The following CIMAP1D variants were observed in gnomAD, a reference collection of about 807,000 sequenced individuals.
The protein encoded by CIMAP1D is CIMAP1 family member D.
the CIMAP1D span, among the ~76,000 whole-genome samples, chr19:473,091 C>T: frequency 7.4e-6 from 1 of 135,278 alleles, no homozygotes; most frequent in South Asian, 3.5e-4. Flanking sequence ...GAGGCCCAGG[C>T]AGAGATACAC....
chr19:486,787 G>A, the CIMAP1D span, among the ~76,000 whole-genome samples: 2 of 151,818 alleles, frequency 1.3e-5, no homozygotes, highest in Non-Finnish European at 2.9e-5. Flanking sequence ...GGTGGCAGGC[G>A]CCTGTAGTCC....
the CIMAP1D span, among the ~76,000 whole-genome samples, chr19:491,370 G>C: frequency 3.0e-4 from 45 of 152,320 alleles, no homozygotes; most frequent in African/African-American, 1.1e-3. Context: ...AACCCGGCGA[G>C]GGCGGTTCAT....
chr19:490,448 G>C, the CIMAP1D span: 1 of 141,862 alleles, frequency 7.0e-6, no homozygotes, highest in African/African-American at 3.0e-5. Flanking sequence ...CGATTCATAA[G>C]CAATACATGT....
At chr19:474,701 G>C in the CIMAP1D span, 1 of 1,566,454 alleles carries the variant, frequency 6.4e-7, no homozygotes, top group South Asian at 1.2e-5. Context: ...CCGGCCAAGG[G>C]GGGCTGTGGC....
At chr19:488,561 C>A in the CIMAP1D span, among the ~76,000 whole-genome samples, 1 of 152,258 alleles carries the variant, frequency 6.6e-6, no homozygotes, top group African/African-American at 2.4e-5. Context: ...CTAACGAGCG[C>A]CCTCGTCCCT....
At chr19:480,584 A>AC in the CIMAP1D span, among the ~76,000 whole-genome samples, 1 of 141,332 alleles carries the variant, frequency 7.1e-6, no homozygotes, top group African/African-American at 2.7e-5. Context: ...ATGATGGAGA[A>AC]GGAATGTGGG....
At chr19:473,700 G>A in the CIMAP1D span, among the ~76,000 whole-genome samples, 2 of 135,176 alleles carry the variant, frequency 1.5e-5, no homozygotes, top group African/African-American at 3.0e-5. Context: ...CACAGATGGG[G>A]AAACTGAGGC....
chr19:481,425 A>G, the CIMAP1D span, among the ~76,000 whole-genome samples: 61 of 43,270 alleles, frequency 1.4e-3, 2 homozygotes, highest in East Asian at 9.2e-3. Flanking sequence ...AGGATGATGG[A>G]GAAGGATGAT....
chr19:467,778 C>T, the CIMAP1D span: 1 of 1,514,924 alleles, frequency 6.6e-7, no homozygotes, highest in Non-Finnish European at 9.0e-7. Flanking sequence ...GAGAGGAGCC[C>T]AGAGTGCTGA....
At chr19:472,410 G>A in the CIMAP1D span, 11 of 1,540,060 alleles carry the variant, frequency 7.1e-6, no homozygotes, top group African/African-American at 6.9e-5. Flanking sequence ...TGGGCCTCCG[G>A]ACGAGCGAGT....
chr19:489,946 G>T, the CIMAP1D span: 1 of 397,990 alleles, frequency 2.5e-6, no homozygotes. Context: ...GCCCCTGCCC[G>T]GTGCTGAGAG....
chr19:476,837 A>G, the CIMAP1D span, among the ~76,000 whole-genome samples: 5 of 152,230 alleles, frequency 3.3e-5, no homozygotes, highest in Admixed American at 6.5e-5. Context: ...ATGACTATAA[A>G]AAATCAACAT....
the CIMAP1D span, among the ~76,000 whole-genome samples, chr19:481,310 G>GGA: frequency 6.5e-5 from 7 of 108,126 alleles, no homozygotes; most frequent in African/African-American, 1.0e-4. Flanking sequence ...AAGGATGATG[G>GGA]AGAACGATGA....
At chr19:466,648 GGGTGGGTGGGTA>G in the CIMAP1D span, among the ~76,000 whole-genome samples, 165 of 143,648 alleles carry the variant, frequency 1.1e-3, no homozygotes, top group Non-Finnish European at 2.0e-3. Context: ...ATAGATGGAG[GGGTGGGTGGGTA>G]GGTGGGTGGA....
the CIMAP1D span, among the ~76,000 whole-genome samples, chr19:479,985 C>T: frequency 4.9e-4 from 75 of 152,360 alleles, no homozygotes; most frequent in East Asian, 0.014. Context: ...CTTATAATGA[C>T]GGTCTCAGGC....
At chr19:484,162 A>G in the CIMAP1D span, among the ~76,000 whole-genome samples, 1 of 121,308 alleles carries the variant, frequency 8.2e-6, no homozygotes, top group Non-Finnish European at 1.7e-5. Flanking sequence ...TTTTTTTGAG[A>G]CAGAGTTTCA....
the CIMAP1D span, among the ~76,000 whole-genome samples, chr19:479,420 G>C: frequency 2.1e-4 from 30 of 146,260 alleles, 1 homozygote; most frequent in South Asian, 3.9e-3. Flanking sequence ...TTGGGGGGGG[G>C]GGGGATGGAG....
At chr19:480,097 G>A in the CIMAP1D span, among the ~76,000 whole-genome samples, 1 of 152,216 alleles carries the variant, frequency 6.6e-6, no homozygotes, top group Non-Finnish European at 1.5e-5. Flanking sequence ...CTCCAGCAGA[G>A]ACCAGAGGAG....
At chr19:481,451 G>A in the CIMAP1D span, among the ~76,000 whole-genome samples, 7 of 101,594 alleles carry the variant, frequency 6.9e-5, no homozygotes, top group African/African-American at 3.0e-4. Flanking sequence ...AGGATGATGG[G>A]GAAGGATGAT....
Sources: gnomAD v4.1 joint callset for allele counts (sites outside exome capture counted in the v4.1 genomes callset) on GRCh38, gnomAD v4.1.1 for gene constraint, MANE v1.5 for transcripts, NCBI Gene and HGNC (gene_info 2026-07-23, HGNC 2026-07-21) for gene names.